The following MAPK8IP1 variants were observed in gnomAD, a reference collection of about 807,000 sequenced individuals.
The protein encoded by MAPK8IP1 is mitogen-activated protein kinase 8 interacting protein 1.
MAPK8IP1 carries 17 observed loss-of-function variants against 72.6 expected under a neutral mutation model. The observed-to-expected ratio is 0.23, with a 90% confidence interval of 0.16 to 0.35. The LOEUF (loss-of-function observed/expected upper bound fraction) is 0.35. Among genes scored for constraint, MAPK8IP1 ranks in the 10% least tolerant of loss-of-function variants. The pLI, the probability that MAPK8IP1 is intolerant of heterozygous loss-of-function variation, is 1.00. For missense variants in MAPK8IP1, 789 were observed against 1,009.7 expected, an observed-to-expected ratio of 0.78 and a Z score of 2.96; for synonymous variants, 401 against 443.4, an observed-to-expected ratio of 0.90 and a Z score of 1.20.
chr11:45,887,836 C>T (rs949453377), intron 1 of MAPK8IP1, among the ~76,000 whole-genome samples: 2 of 152,248 alleles, frequency 1.3e-5, no homozygotes, highest in African/African-American at 4.8e-5. Context: ...CAGGCCCTGC[C>T]GGCCTGCCCC....
In MAPK8IP1 at chr11:45,904,258, G is replaced by T; in HGVS notation, c.1666+97G>T. On this transcript the variant is annotated intron_variant, in intron 7 of 11. Transcript: ENST00000241014. This position sits in a 1 kb window ranked among gnomAD's most constrained non-coding sequence, Gnocchi z 6.4. The stretch of plus-strand genomic sequence containing the variant: ...TGTACTCCAGATCTCAGCCAGCCAG[G>T]TGGGGGGCTGAGTGGAAGTGATTTT... The T allele has an allele frequency of 7.2e-7, 1 of 1,387,042 alleles. No homozygotes were observed. Among genetic ancestry groups the T allele is most frequent in the East Asian group, 2.5e-5 (1 of 40,682 alleles). The allele number at this position is 1,387,042 out of a possible 1,614,324, so 85.9% of individuals were successfully genotyped here. A position where few individuals can be genotyped will look rare whatever the true frequency, so the allele number is the denominator to read the frequency against.
Position 45,902,289 on chromosome 11 carries a change from G to T in MAPK8IP1, c.605-83G>T, listed in dbSNP as rs2086659892. 1 of 1,267,054 alleles carries T rather than the reference G, an allele frequency of 7.9e-7. No individual in the cohort carries two copies. The highest frequency in any genetic ancestry group is 2.0e-5 in the Admixed American group (1 of 50,722). 78.5% of individuals were successfully genotyped at this position (1,267,054 alleles called of 1,614,324 possible). Reference sequence around the variant, plus strand: ...CCAGGGAGGCTTTGTCTTGGTTTCTGTGTCACCAAGCTGAGAGTGGCAGGT... The same window carrying T: ...CCAGGGAGGCTTTGTCTTGGTTTCTTTGTCACCAAGCTGAGAGTGGCAGGT... On this transcript the variant is annotated intron_variant, in intron 4 of 11. Transcript: ENST00000241014. This position sits in a 1 kb window ranked among gnomAD's most constrained non-coding sequence, Gnocchi z 9.3.
In MAPK8IP1 at chr11:45,905,775, C is replaced by T. The variant is rs756275990; in HGVS notation, c.*54C>T. ...AGCCCTCAGGCCAGTGCCAGGACAG[C>T]TGGCTGCTGACAGGATGTGGCACTG... On this transcript the variant is annotated 3_prime_UTR_variant, in exon 12 of 12. Transcript: ENST00000241014. 10 of 1,541,980 alleles carry T rather than the reference C, an allele frequency of 6.5e-6. No individual in the cohort carries two copies. The highest frequency in any genetic ancestry group is 8.9e-6 in the Non-Finnish European group (10 of 1,118,156).
At chr11:45,899,732 C>T (rs1037058326) in intron 2 of MAPK8IP1, among the ~76,000 whole-genome samples, 2 of 152,206 alleles carry the variant, frequency 1.3e-5, no homozygotes, top group Non-Finnish European at 2.9e-5. Context: ...CCTCAAGACC[C>T]CTTCAAATAC....
intron 1 of MAPK8IP1, 141 bp downstream of exon 1, chr11:45,886,062 G>C: frequency 4.2e-6 from 2 of 477,784 alleles, no homozygotes; most frequent in Non-Finnish European, 7.1e-6. Context: ...TCCCGGGACA[G>C]AGCCCCCCTC....
In MAPK8IP1 at chr11:45,885,913, C is replaced by T. The variant is rs1032965996; in HGVS notation, c.93C>T (p.Pro31=). The T allele has an allele frequency of 4.7e-6, 7 of 1,478,828 alleles. No homozygotes were observed. In the Admixed American group the frequency reaches 7.0e-5, roughly 15 times the overall value. 91.6% of individuals were successfully genotyped at this position (1,478,828 alleles called of 1,614,324 possible). Residue 31 remains proline (P), a synonymous_variant, in exon 1 of 12, where the codon CCC becomes CCT. Coordinates refer to ENST00000241014, the MANE Select transcript of MAPK8IP1 (RefSeq NM_005456.4). ...PFLGLHIASP[P]NFRLTHDISL... Reference sequence around the variant, plus strand: ...TGGGGCTGCACATCGCTTCGCCTCCCAATTTCAGGTGAGAGTCCCCGGCCG... The same window carrying T: ...TGGGGCTGCACATCGCTTCGCCTCCTAATTTCAGGTGAGAGTCCCCGGCCG...
intron 1 of MAPK8IP1, among the ~76,000 whole-genome samples, chr11:45,891,313 T>C (rs899610599): frequency 6.6e-6 from 1 of 152,194 alleles, no homozygotes; most frequent in African/African-American, 2.4e-5. Context: ...CATTCCAAAA[T>C]AGCAGGAGCG....
At chr11:45,898,330 A>G (rs942448279) in intron 2 of MAPK8IP1, 140 bp downstream of exon 2, 1 of 646,392 alleles carries the variant, frequency 1.5e-6, no homozygotes, top group Admixed American at 2.1e-5. Context: ...CAAGAAACAT[A>G]GGTATACTGC....
chr11:45,898,432 A>G (rs1443537742), intron 2 of MAPK8IP1, among the ~76,000 whole-genome samples: 1 of 152,114 alleles, frequency 6.6e-6, no homozygotes, highest in African/African-American at 2.4e-5. Context: ...TAGCTCCTTC[A>G]ACTGCCCACG....
chr11:45,899,178 G>C (rs1190233395), intron 2 of MAPK8IP1, among the ~76,000 whole-genome samples: 1 of 152,248 alleles, frequency 6.6e-6, no homozygotes, highest in Non-Finnish European at 1.5e-5. Flanking sequence ...GGAAGAGGCA[G>C]AGGCCTCTAG....
chr11:45,903,198 G>A lies in MAPK8IP1; in HGVS notation c.1417+14G>A, dbSNP rs778538359. On this transcript the variant is annotated intron_variant, in intron 5 of 11. Transcript: ENST00000241014. This position sits in a 1 kb window ranked among gnomAD's most constrained non-coding sequence, Gnocchi z 6.4. ...CCCGCTCCTCCAGTGAGTCAGCAAG[G>A]GGAAGCAGTGGGGTGGGGGGGTCCC... 1 of 1,598,182 alleles carries A rather than the reference G, an allele frequency of 6.3e-7. No individual in the cohort carries two copies. Among genetic ancestry groups the A allele is most frequent in the Non-Finnish European group, 8.5e-7 (1 of 1,173,874 alleles).
chr11:45,891,212 G>T (rs934919252), intron 1 of MAPK8IP1, among the ~76,000 whole-genome samples: 2 of 152,194 alleles, frequency 1.3e-5, no homozygotes, highest in Non-Finnish European at 2.9e-5. Flanking sequence ...GGCCCCCATG[G>T]TTCCCACAAA....
chr11:45,896,872 G>A (rs1220223718), intron 1 of MAPK8IP1: 2 of 1,552,028 alleles, frequency 1.3e-6, no homozygotes, highest in Non-Finnish European at 8.7e-7. Flanking sequence ...GGCCGGGCAG[G>A]GCTCTCCATG....
chr11:45,903,520 GCCT>G lies in MAPK8IP1; in HGVS notation c.1493+82_1493+84del. The G allele has an allele frequency of 8.1e-7, 1 of 1,238,136 alleles. No individual in the cohort carries two copies. Among genetic ancestry groups the G allele is most frequent in the Admixed American group, 1.9e-5 (1 of 51,688 alleles). The allele number at this position is 1,238,136 out of a possible 1,614,324, so 76.7% of individuals were successfully genotyped here. ...ACCCTCTACTTGTCACCCCTACATG[GCCT>G]CAGCCTAACCCCTGCCATCAGCCTT... is the stretch of plus-strand genomic sequence containing the variant. On this transcript the variant is annotated intron_variant, in intron 6 of 11. Coordinates refer to ENST00000241014, the MANE Select transcript of MAPK8IP1 (RefSeq NM_005456.4). The surrounding 1 kb of genome is among the most constrained non-coding windows in gnomAD (Gnocchi z 6.4).
In MAPK8IP1 at chr11:45,898,127, C is replaced by T; in HGVS notation, c.144C>T (p.Asp48=). The change falls in exon 2 of 12, where the codon GAC becomes GAT. Residue 48 remains aspartate (D), a synonymous_variant. Transcript: ENST00000241014. ...GCCTGGAGGAGTTTGAGGATGAAGA[C>T]CTCTCGGAGATCACTGATGAGTGTG... The part of the protein sequence containing the change: ...DISLEEFEDE[D]LSEITDECGI... The T allele has an allele frequency of 6.2e-7, 1 of 1,613,842 alleles. No individual in the cohort carries two copies. Among genetic ancestry groups the T allele is most frequent in the Non-Finnish European group, 8.5e-7 (1 of 1,179,872 alleles).
At chr11:45,894,738 C>A (rs1398757455) in intron 1 of MAPK8IP1, among the ~76,000 whole-genome samples, 1 of 152,176 alleles carries the variant, frequency 6.6e-6, no homozygotes, top group Admixed American at 6.5e-5. Context: ...GCCAGCTCTG[C>A]CCTCCAGGAG....
Position 45,900,093 on chromosome 11 carries a change from C to T in MAPK8IP1, c.208-45C>T. The T allele has an allele frequency of 8.7e-7, 1 of 1,150,490 alleles. No homozygotes were observed. The highest frequency in any genetic ancestry group is 4.3e-5 in the South Asian group (1 of 23,250). The allele number at this position is 1,150,490 out of a possible 1,614,324, so 71.3% of individuals were successfully genotyped here. ...GGGGGGCGGTGCAAGCGGCCTCGGCCCCGCCCCGGCCCCGCCCCCTGACGC... is the reference window on the plus strand; with the variant it reads ...GGGGGGCGGTGCAAGCGGCCTCGGCTCCGCCCCGGCCCCGCCCCCTGACGC... On this transcript the variant is annotated intron_variant, in intron 2 of 11. Transcript: ENST00000241014. This position sits in a 1 kb window ranked among gnomAD's most constrained non-coding sequence, Gnocchi z 6.5.
intron 1 of MAPK8IP1, among the ~76,000 whole-genome samples, chr11:45,891,618 C>T (rs1468842389): frequency 6.6e-6 from 1 of 152,196 alleles, no homozygotes; most frequent in East Asian, 1.9e-4. Flanking sequence ...TGAAGGACAG[C>T]AAAGGAGAAA....
At chr11:45,886,657 G>C (rs1355721334) in intron 1 of MAPK8IP1, among the ~76,000 whole-genome samples, 1 of 152,170 alleles carries the variant, frequency 6.6e-6, no homozygotes, top group Non-Finnish European at 1.5e-5. Context: ...CCCCAATCTG[G>C]TGTTAGGCCC....
Sources: allele counts gnomAD v4.1 joint callset (sites outside exome capture counted in the v4.1 genomes callset), GRCh38; gene constraint gnomAD v4.1.1; non-coding constraint Gnocchi (gnomAD v3.1); transcripts MANE v1.5; gene names NCBI Gene and HGNC (gene_info 2026-07-23, HGNC 2026-07-21).